Variants in NFILZ observed in about 807,000 individuals in gnomAD.
NFILZ encodes the protein NFIL3 like protein.
chr19:8,678,428 C>A lies in NFILZ; in HGVS notation c.*793C>A, dbSNP rs1555751080. 6.6e-6 allele frequency among the ~76,000 whole-genome samples: 1 copy of A among 151,682 alleles called. No homozygotes were observed. Among genetic ancestry groups the A allele is most frequent in the African/African-American group, 2.4e-5 (1 of 41,258 alleles). On this transcript the variant is annotated 3_prime_UTR_variant, in exon 6 of 6. Transcript: ENST00000691075. ...CCTATCTATGCATGCATCCATCCAT[C>A]CTCATCCACTCATCCACCCATCCTC...
chr19:8,632,367 T>C (rs8100372), intron 1 of NFILZ, 109 bp from the exon 2 acceptor site: 141,067 of 152,090 alleles, frequency 0.93, 65,541 homozygotes, highest in Middle Eastern at 0.96. Context: ...AGCCTGAGAC[T>C]TACTGGGCTG....
At chr19:8,652,751 G>C (rs1555747822) in intron 3 of NFILZ, among the ~76,000 whole-genome samples, 1 of 151,936 alleles carries the variant, frequency 6.6e-6, no homozygotes, top group African/African-American at 2.4e-5. Flanking sequence ...TTCAGTGTCT[G>C]CATTTCTTTC....
intron 2 of NFILZ, among the ~76,000 whole-genome samples, chr19:8,633,643 C>G (rs2042880498): frequency 6.6e-6 from 1 of 152,132 alleles, no homozygotes; most frequent in Non-Finnish European, 1.5e-5. Flanking sequence ...AGCCCTCCAG[C>G]CGCCCTGAGG....
At chr19:8,671,510 G>A (rs1009581963) in intron 3 of NFILZ, among the ~76,000 whole-genome samples, 1 of 152,116 alleles carries the variant, frequency 6.6e-6, no homozygotes, top group East Asian at 1.9e-4. Context: ...AGAGCTGACT[G>A]CTCAGAGTCA....
intron 3 of NFILZ, among the ~76,000 whole-genome samples, chr19:8,663,022 A>C (rs1432108796): frequency 6.7e-6 from 1 of 149,574 alleles, no homozygotes; most frequent in African/African-American, 2.5e-5. Context: ...ATTATAGCAG[A>C]CTGCAACCTT....
chr19:8,663,748 G>GTGTATGTGTGTGTGTA (rs1568423380), intron 3 of NFILZ, among the ~76,000 whole-genome samples: 4 of 139,376 alleles, frequency 2.9e-5, no homozygotes, highest in Admixed American at 2.8e-4. Flanking sequence ...GTGTGTGTGT[G>GTGTATGTGTGTGTGTA]TGTGTGTGTG....
intron 3 of NFILZ, among the ~76,000 whole-genome samples, chr19:8,653,011 C>CTTTCTTT (rs2042974022): frequency 2.8e-4 from 15 of 52,850 alleles, no homozygotes; most frequent in South Asian, 8.1e-4. Flanking sequence ...TTCCTTCCTT[C>CTTTCTTT]CTTTCTTTCT....
chr19:8,655,318 A>G (rs1555748216), intron 3 of NFILZ, among the ~76,000 whole-genome samples: 1 of 152,158 alleles, frequency 6.6e-6, no homozygotes. Context: ...GGGAGACTTT[A>G]GCTGTGGCCA....
At chr19:8,648,171 C>CAAAAACAAAAAAA in intron 3 of NFILZ, among the ~76,000 whole-genome samples, 1 of 68,536 alleles carries the variant, frequency 1.5e-5, no homozygotes, top group Non-Finnish European at 2.6e-5. Context: ...GACTCCGTCT[C>CAAAAACAAAAAAA]AAAAAAAAAA....
rs2043125950 is a variant in NFILZ, at chr19:8,678,155, AT to A, written c.*521del. On this transcript the variant is annotated 3_prime_UTR_variant, in exon 6 of 6. Coordinates refer to ENST00000691075, the MANE Select transcript of NFILZ (RefSeq NM_001378600.1). ...CATCCATTCATCCACTTGTCCGTCC[AT>A]CCATCCATCCATCCATCCATCCATC... 3.4e-4 allele frequency among the ~76,000 whole-genome samples: 3 copies of A among 8,892 alleles called. No individual in the cohort carries two copies. The highest frequency in any genetic ancestry group is 4.9e-4 in the Non-Finnish European group (2 of 4,088). The allele number at this position is 8,892 out of a possible 152,430, so 5.8% of individuals were successfully genotyped here.
chr19:8,659,226 T>C lies in NFILZ; in HGVS notation c.-163-15325T>C, dbSNP rs575265137. 6.0e-4 allele frequency among the ~76,000 whole-genome samples: 91 copies of C among 151,694 alleles called. No homozygotes were observed. In the East Asian group the frequency reaches 0.013, roughly 22 times the overall value. On this transcript the variant is annotated intron_variant, in intron 3 of 5. Coordinates refer to ENST00000691075, the MANE Select transcript of NFILZ (RefSeq NM_001378600.1). ...TCACACCAGGGCACTCCAGCCTGGG[T>C]GACAGAGGGAGACTCCATCTCAAAA...
intron 3 of NFILZ, among the ~76,000 whole-genome samples, chr19:8,667,238 C>T (rs2043066412): frequency 6.6e-6 from 1 of 152,198 alleles, no homozygotes; most frequent in Admixed American, 6.5e-5. Context: ...GGCTCCAGGG[C>T]TCAGTTCCTG....
In NFILZ at chr19:8,678,119, A is replaced by ATTCATCCACTTG. The variant is rs2043124539; in HGVS notation, c.*485_*486insTCATCCACTTGT. Reference sequence around the variant, plus strand: ...CATCCATCCATCCATCCATCCATCCATCCATCCCTCCATCCATTCATCCAC... The same window carrying ATTCATCCACTTG: ...CATCCATCCATCCATCCATCCATCCATTCATCCACTTGTCCATCCCTCCATCCATTCATCCAC... On this transcript the variant is annotated 3_prime_UTR_variant, in exon 6 of 6. Transcript: ENST00000691075. 7.2e-6 allele frequency among the ~76,000 whole-genome samples: 1 copy of ATTCATCCACTTG among 138,614 alleles called. No individual in the cohort carries two copies. The highest frequency in any genetic ancestry group is 1.6e-5 in the Non-Finnish European group (1 of 63,324). 90.9% of individuals were successfully genotyped at this position (138,614 alleles called of 152,430 possible). A position where few individuals can be genotyped will look rare whatever the true frequency, so the allele number is the denominator to read the frequency against.
chr19:8,638,051 C>G (rs1392697109), intron 3 of NFILZ, among the ~76,000 whole-genome samples: 1 of 151,958 alleles, frequency 6.6e-6, no homozygotes, highest in African/African-American at 2.4e-5. Context: ...ATGACCTTGC[C>G]AGGCCACCTT....
At chr19:8,656,219 A>G (rs7255705) in intron 3 of NFILZ, among the ~76,000 whole-genome samples, 2,119 of 133,008 alleles carry the variant, frequency 0.016, 55 homozygotes, top group African/African-American at 0.052. Context: ...CCTGCAGCCC[A>G]CCTTCTCCCA....
intron 3 of NFILZ, among the ~76,000 whole-genome samples, chr19:8,663,758 G>GTATGTGTGTGTGTGTGTGTATGTA (rs1555749464): frequency 3.4e-5 from 5 of 148,438 alleles, no homozygotes. Flanking sequence ...GTGTGTGTGT[G>GTATGTGTGTGTGTGTGTGTATGTA]TGTGTGTGTG....
chr19:8,676,044 G>A (rs2043108726), intron 4 of NFILZ, among the ~76,000 whole-genome samples: 1 of 152,196 alleles, frequency 6.6e-6, no homozygotes, highest in Non-Finnish European at 1.5e-5. Flanking sequence ...TAGATGTGAT[G>A]GAGAGTTGCA....
At chr19:8,650,923 C>T (rs1478931674) in intron 3 of NFILZ, among the ~76,000 whole-genome samples, 4 of 152,070 alleles carry the variant, frequency 2.6e-5, no homozygotes, top group African/African-American at 4.8e-5. Flanking sequence ...GAGAAATTCC[C>T]ATGTACAGAG....
intron 3 of NFILZ, among the ~76,000 whole-genome samples, chr19:8,667,045 C>T (rs782319043): frequency 2.6e-4 from 40 of 151,740 alleles, no homozygotes; most frequent in Non-Finnish European, 5.1e-4. Context: ...CCACCTCGCT[C>T]GGCTGTTGGC....
Sources: allele counts gnomAD v4.1 joint callset (sites outside exome capture counted in the v4.1 genomes callset), GRCh38; gene constraint gnomAD v4.1.1; transcripts MANE v1.5; gene names NCBI Gene and HGNC (gene_info 2026-07-23, HGNC 2026-07-21).